The following PREX1 variants were observed in gnomAD, a reference collection of about 807,000 sequenced individuals.
PREX1 encodes the protein phosphatidylinositol-3,4,5-trisphosphate dependent Rac exchange factor 1.
In PREX1, 41 loss-of-function variants were observed where a neutral mutation model predicts 198.3. That is an observed-to-expected ratio of 0.21 (90% CI 0.16 to 0.27). The LOEUF is 0.27. Ranked by LOEUF, PREX1 falls within the 10% of genes least tolerant of loss-of-function variation. The pLI is 1.00. For missense variants in PREX1, 1,620 were observed against 2,200.7 expected (o/e 0.74, Z 5.28); for synonymous variants, 843 against 887.2 (o/e 0.95, Z 0.89).
chr20:48,754,278 A>G (rs1038656895), intron 1 of PREX1, among the ~76,000 whole-genome samples: 1 of 152,242 alleles, frequency 6.6e-6, no homozygotes, highest in African/African-American at 2.4e-5. Flanking sequence ...ATTCTACAGA[A>G]GAGCCTAAGG....
rs1381282761 is a variant in PREX1 at position 48,691,975 on chromosome 20, G to A, written c.1036+697C>T. Reference sequence around the variant, plus strand: ...TGAAATCATGGCTCACTGCAGCATCGAACTCCTGGGCTAAGATGATCCTCC... The same window carrying A: ...TGAAATCATGGCTCACTGCAGCATCAAACTCCTGGGCTAAGATGATCCTCC... On this transcript the variant is annotated intron_variant, in intron 8 of 39. Coordinates refer to ENST00000371941, the MANE Select transcript of PREX1 (RefSeq NM_020820.4). This position sits in a 1 kb window ranked among gnomAD's most constrained non-coding sequence, Gnocchi z 5.0. Among the ~76,000 whole-genome samples, 1 of 152,132 alleles carries A rather than the reference G, an allele frequency of 6.6e-6. No individual in the cohort carries two copies. Among genetic ancestry groups the A allele is most frequent in the Non-Finnish European group, 1.5e-5 (1 of 68,006 alleles).
chr20:48,807,741 C>T (rs574263934), intron 1 of PREX1, among the ~76,000 whole-genome samples: 85 of 152,250 alleles, frequency 5.6e-4, no homozygotes, highest in Non-Finnish European at 9.4e-4. Flanking sequence ...GCCAGGCCAG[C>T]GCTGGGCATT....
chr20:48,721,891 A>C (rs532568283), intron 5 of PREX1, among the ~76,000 whole-genome samples: 1 of 152,034 alleles, frequency 6.6e-6, no homozygotes, highest in East Asian at 1.9e-4. Flanking sequence ...GGAAAGAGGG[A>C]CACCAAATGT....
At chr20:48,627,116 C>T (rs1601023016) in intron 39 of PREX1, among the ~76,000 whole-genome samples, 1 of 152,138 alleles carries the variant, frequency 6.6e-6, no homozygotes, top group East Asian at 1.9e-4. Flanking sequence ...AAAAGGTTAG[C>T]TTAGGTTGGA....
At chr20:48,719,202 A>G (rs890735389) in intron 5 of PREX1, among the ~76,000 whole-genome samples, 5 of 152,212 alleles carry the variant, frequency 3.3e-5, no homozygotes, top group African/African-American at 9.7e-5. Context: ...AGTACAAGAG[A>G]AAGTAGAATC....
Position 48,793,395 on chromosome 20 carries a change from C to T in PREX1, c.219+34247G>A, listed in dbSNP as rs538500864. 2.3e-4 allele frequency among the ~76,000 whole-genome samples: 35 copies of T among 152,248 alleles called. 1 individual carries two copies. Among genetic ancestry groups the T allele is most frequent in the African/African-American group, 8.2e-4 (34 of 41,542 alleles). On this transcript the variant is annotated intron_variant, in intron 1 of 39. Transcript: ENST00000371941. ...ATATACCAAAAGCCACTGGAGTGGACACTTTGGGGAATTCCTTATGGCATG... is the reference window on the plus strand; with the variant it reads ...ATATACCAAAAGCCACTGGAGTGGATACTTTGGGGAATTCCTTATGGCATG...
chr20:48,749,017 G>T (rs2090122109), intron 1 of PREX1, among the ~76,000 whole-genome samples: 1 of 152,194 alleles, frequency 6.6e-6, no homozygotes, highest in Admixed American at 6.5e-5. Flanking sequence ...CCTGGCACCA[G>T]GTGGTGTGGG....
intron 10 of PREX1, among the ~76,000 whole-genome samples, chr20:48,681,736 C>G (rs1366770447): frequency 1.3e-5 from 2 of 148,316 alleles, no homozygotes. Flanking sequence ...AGACAGACAG[C>G]CAGCAGCACA....
chr20:48,678,069 T>C (rs2089721789), intron 13 of PREX1, among the ~76,000 whole-genome samples: 8 of 151,592 alleles, frequency 5.3e-5, no homozygotes, highest in Admixed American at 5.3e-4. Context: ...ATTCCAGCAC[T>C]TTGGGAGGCC....
intron 5 of PREX1, among the ~76,000 whole-genome samples, chr20:48,713,952 G>C (rs986711587): frequency 3.3e-5 from 5 of 151,710 alleles, no homozygotes; most frequent in African/African-American, 1.2e-4. Context: ...TTTATGGTCA[G>C]TTAATTTTCC....
At chr20:48,796,725 AAT>A (rs941643848) in intron 1 of PREX1, among the ~76,000 whole-genome samples, 4 of 150,572 alleles carry the variant, frequency 2.7e-5, no homozygotes, top group Admixed American at 6.7e-5. Context: ...ATGTATATAA[AAT>A]AGTTTTATAT....
chr20:48,722,796 T>C (rs2089991909), intron 5 of PREX1, among the ~76,000 whole-genome samples: 1 of 152,080 alleles, frequency 6.6e-6, no homozygotes, highest in Non-Finnish European at 1.5e-5. Context: ...TGCCACACAC[T>C]CCAAGCTCCT....
chr20:48,652,754 G>A, intron 20 of PREX1, 48 bp from the exon 21 acceptor site: 2 of 1,587,150 alleles, frequency 1.3e-6, no homozygotes, highest in Non-Finnish European at 1.7e-6. Flanking sequence ...GGCAGGTAGG[G>A]AGGAGGGGAC....
chr20:48,655,436 A>T, intron 18 of PREX1, 61 bp from the exon 19 acceptor site: 3 of 1,344,258 alleles, frequency 2.2e-6, no homozygotes, highest in Non-Finnish European at 3.0e-6. Context: ...CACTCTCAAT[A>T]ACCCCGGTGC....
At chr20:48,722,557 G>A (rs1164002289) in intron 5 of PREX1, among the ~76,000 whole-genome samples, 4 of 152,152 alleles carry the variant, frequency 2.6e-5, no homozygotes, top group African/African-American at 9.7e-5. Context: ...CCTTGAGTAT[G>A]CTTTTTTAAA....
At chr20:48,636,364 G>C in intron 32 of PREX1, 99 bp downstream of exon 32, 1 of 1,249,740 alleles carries the variant, frequency 8.0e-7, no homozygotes, top group South Asian at 1.5e-5. Flanking sequence ...GACGAGGCCA[G>C]GGGGAGCCTG....
chr20:48,632,968 T>C (rs748784913), intron 33 of PREX1, among the ~76,000 whole-genome samples: 11 of 152,248 alleles, frequency 7.2e-5, no homozygotes, highest in Non-Finnish European at 1.5e-4. Flanking sequence ...CCACAGCATT[T>C]GGGGTCAGAG....
At chr20:48,861,779 G>A in the PREX1 span, among the ~76,000 whole-genome samples, 8 of 152,270 alleles carry the variant, frequency 5.3e-5, no homozygotes, top group Non-Finnish European at 1.0e-4. Context: ...AAGAGGCTCT[G>A]CAAGCCCCAC....
chr20:48,633,960 A>G (rs2089336203), intron 33 of PREX1, among the ~76,000 whole-genome samples: 1 of 152,190 alleles, frequency 6.6e-6, no homozygotes, highest in African/African-American at 2.4e-5. Flanking sequence ...ATGTAAATAG[A>G]TGGATGGATG....
Sources: gnomAD v4.1 joint callset for allele counts (sites outside exome capture counted in the v4.1 genomes callset) on GRCh38, gnomAD v4.1.1 for gene constraint, Gnocchi (gnomAD v3.1) non-coding constraint, MANE v1.5 for transcripts, NCBI Gene and HGNC (gene_info 2026-07-23, HGNC 2026-07-21) for gene names.